The following SLC35F6 variants were observed in gnomAD, a reference collection of about 807,000 sequenced individuals.
SLC35F6 encodes solute carrier family 35 member F6.
Under a neutral mutation model 29.4 loss-of-function variants are expected in SLC35F6, and 26 were observed. The observed-to-expected ratio is 0.89, with a 90% CI of 0.65 to 1.23. The LOEUF (loss-of-function observed/expected upper bound fraction) is 1.23. Ranked by LOEUF, SLC35F6 falls within the 50% of genes most tolerant of loss-of-function variation. SLC35F6 has a pLI of 0.00. For missense variants in SLC35F6, 428 were observed against 487.8 expected, an observed-to-expected ratio of 0.88 and a Z score of 1.15; for synonymous variants, 174 against 206.6, an observed-to-expected ratio of 0.84 and a Z score of 1.35.
In SLC35F6 at chr2:26,764,434, T is replaced by TGGGCCCTGCCGGGCGTGC. The variant is rs780012887; in HGVS notation, c.77+17_77+34dup. On this transcript the variant is annotated intron_variant, in intron 1 of 5. Transcript: ENST00000344420. ...CAACACGCTCTCGGCAAAGTGAGTCTGGGCCCTGCCGGGCGTGCGGGCCCT... is the reference window on the plus strand; with the variant it reads ...CAACACGCTCTCGGCAAAGTGAGTCTGGGCCCTGCCGGGCGTGCGGGCCCTGCCGGGCGTGCGGGCCCT... 28 of 1,550,786 alleles carry TGGGCCCTGCCGGGCGTGC rather than the reference T, an allele frequency of 1.8e-5. No individual in the cohort carries two copies. The African/African-American group carries it at 2.2e-4, about 12-fold the overall frequency.
At chr2:26,769,600 A>G (rs1415688854) in intron 1 of SLC35F6, among the ~76,000 whole-genome samples, 1 of 152,218 alleles carries the variant, frequency 6.6e-6, no homozygotes, top group African/African-American at 2.4e-5. Context: ...TGTCTGTCAA[A>G]TAAGGAGTTC....
At chr2:26,766,276 T>C (rs1189826512) in intron 1 of SLC35F6, among the ~76,000 whole-genome samples, 2 of 152,200 alleles carry the variant, frequency 1.3e-5, no homozygotes, top group Non-Finnish European at 2.9e-5. Context: ...AGCAGCTGCA[T>C]GCACCCCGAT....
At chr2:26,771,880 G>C (rs1664202943) in intron 1 of SLC35F6, among the ~76,000 whole-genome samples, 1 of 151,950 alleles carries the variant, frequency 6.6e-6, no homozygotes, top group Non-Finnish European at 1.5e-5. Flanking sequence ...GGCTTCCCCA[G>C]CTCCCAGACT....
At chr2:26,777,707 C>A in intron 5 of SLC35F6, among the ~76,000 whole-genome samples, 1 of 151,714 alleles carries the variant, frequency 6.6e-6, no homozygotes, top group Admixed American at 6.6e-5. Flanking sequence ...TTTTAAATAT[C>A]AGAGCATTGT....
Position 26,778,614 on chromosome 2 carries a change from C to T in SLC35F6, c.*103C>T. 3.5e-6 allele frequency: 4 copies of T among 1,142,770 alleles called. No homozygotes were observed. In the South Asian group the frequency reaches 6.4e-5, roughly 18 times the overall value. The allele number at this position is 1,142,770 out of a possible 1,614,324, so 70.8% of individuals were successfully genotyped here. ...AATGCCCTATCCCCAAGGCCTCACCCTGTCCCCTCCCTGCAGAACCCCCAG... is the reference window on the plus strand; with the variant it reads ...AATGCCCTATCCCCAAGGCCTCACCTTGTCCCCTCCCTGCAGAACCCCCAG... On this transcript the variant is annotated 3_prime_UTR_variant, in exon 6 of 6. Coordinates refer to ENST00000344420, the MANE Select transcript of SLC35F6 (RefSeq NM_017877.4).
chr2:26,765,126 T>G, intron 1 of SLC35F6: 1 of 510,588 alleles, frequency 2.0e-6, no homozygotes, highest in Non-Finnish European at 2.5e-6. Context: ...GGCTGCTGCA[T>G]AGCAGATGAG....
At position 26,778,423 on chromosome 2, in the gene SLC35F6, G is replaced by A. The variant is rs762896868; in HGVS notation, c.1028G>A (p.Arg343His). 5.6e-6 allele frequency: 9 copies of A among 1,614,088 alleles called. No homozygotes were observed. The highest frequency in any genetic ancestry group is 2.2e-5 in the South Asian group (2 of 91,078). The change falls in exon 6 of 6, where the codon CGC becomes CAC. Residue 343 changes from arginine (R) to histidine (H), a missense_variant. Physicochemically the swap from Arg to His is conservative, Grantham distance 29 (BLOSUM62 0). Coordinates refer to ENST00000344420, the MANE Select transcript of SLC35F6 (RefSeq NM_017877.4). ...GGGCTACACCGTCCGCTGCTGGGCC[G>A]CCTGTCCAGGGGCCGGCCCCTGGCA... Reference protein sequence around the residue: ...YNGLHRPLLGRLSRGRPLAEE... With the variant: ...YNGLHRPLLGHLSRGRPLAEE...
chr2:26,774,951 T>C (rs1664270070), intron 2 of SLC35F6, 93 bp from the exon 3 acceptor site: 31 of 1,413,432 alleles, frequency 2.2e-5, no homozygotes, highest in Non-Finnish European at 2.7e-5. Context: ...GGGTAAGCTC[T>C]TGTTTGACAA....
chr2:26,775,459 C>T lies in SLC35F6; in HGVS notation c.323-5C>T. ...GCTAACTGTAATTTGTTTCTCCTTT[C>T]CTAGCTCTGAACATGACCAGTGCCT... On this transcript the variant is annotated splice_region_variant and splice_polypyrimidine_tract_variant and intron_variant, in intron 3 of 5. Transcript: ENST00000344420. The surrounding 1 kb of genome is among the most constrained non-coding windows in gnomAD (Gnocchi z 4.6). 1 of 1,611,506 alleles carries T rather than the reference C, an allele frequency of 6.2e-7. No homozygotes were observed. The highest frequency in any genetic ancestry group is 8.5e-7 in the Non-Finnish European group (1 of 1,179,114).
Position 26,764,317 on chromosome 2 carries a change from C to G in SLC35F6, c.-33C>G, listed in dbSNP as rs755931463. On this transcript the variant is annotated 5_prime_UTR_variant, in exon 1 of 6. Transcript: ENST00000344420. ...GACCCCGGGTGACGGGGCCCGGCGC[C>G]GCTAACTGGAGCGAACCCCAGCGTC... 3 of 1,547,992 alleles carry G rather than the reference C, an allele frequency of 1.9e-6. No individual in the cohort carries two copies. The South Asian group carries it at 3.6e-5, about 18-fold the overall frequency.
chr2:26,778,435 G>A lies in SLC35F6; in HGVS notation c.1040G>A (p.Gly347Asp). The A allele has an allele frequency of 1.2e-6, 2 of 1,614,024 alleles. No homozygotes were observed. The highest frequency in any genetic ancestry group is 8.5e-7 in the Non-Finnish European group (1 of 1,180,008). ...CCGCTGCTGGGCCGCCTGTCCAGGG[G>A]CCGGCCCCTGGCAGAGGAGAGCGAG... ...HRPLLGRLSRGRPLAEESEQE... is the reference protein window; with the variant it reads ...HRPLLGRLSRDRPLAEESEQE... Residue 347 changes from glycine (G) to aspartate (D), a missense_variant, in exon 6 of 6, where the codon GGC (glycine) becomes GAC (aspartate). Transcript: ENST00000344420.
chr2:26,765,440 GTC>G (rs1162835156), intron 1 of SLC35F6, among the ~76,000 whole-genome samples: 1 of 152,186 alleles, frequency 6.6e-6, no homozygotes, highest in Non-Finnish European at 1.5e-5. Flanking sequence ...GCATTTCTTT[GTC>G]TCTCTCTGTC....
In SLC35F6 at chr2:26,775,701, G is replaced by A; in HGVS notation, c.535+25G>A. The A allele has an allele frequency of 6.5e-7, 1 of 1,539,136 alleles. No individual in the cohort carries two copies. On this transcript the variant is annotated intron_variant, in intron 4 of 5. Transcript: ENST00000344420. This position sits in a 1 kb window ranked among gnomAD's most constrained non-coding sequence, Gnocchi z 4.6. ...GGTGCGGCCAGGGGCAGGGACACGG[G>A]GCTGCCCTATCCTGCCCTGTCCTCC...
intron 1 of SLC35F6, among the ~76,000 whole-genome samples, chr2:26,774,034 C>G (rs566304410): frequency 6.6e-6 from 1 of 152,332 alleles, no homozygotes; most frequent in Non-Finnish European, 1.5e-5. Flanking sequence ...ATGAGAGTAT[C>G]TGTGATTTCT....
Position 26,778,787 on chromosome 2 carries a change from A to C in SLC35F6, c.*276A>C. ...CCTCCTACAGCACTAGAGCTAAATC[A>C]TGAAGTTGAATTGTAGGAATTTACC... On this transcript the variant is annotated 3_prime_UTR_variant, in exon 6 of 6. Coordinates refer to ENST00000344420, the MANE Select transcript of SLC35F6 (RefSeq NM_017877.4). 4 of 431,162 alleles carry C rather than the reference A, an allele frequency of 9.3e-6. No individual in the cohort carries two copies. The highest frequency in any genetic ancestry group is 1.2e-5 in the Non-Finnish European group (3 of 243,520). 26.7% of individuals were successfully genotyped at this position (431,162 alleles called of 1,614,324 possible). A position where few individuals can be genotyped will look rare whatever the true frequency, so the allele number is the denominator to read the frequency against.
At chr2:26,767,582 ACCT>A (rs533078082) in intron 1 of SLC35F6, among the ~76,000 whole-genome samples, 76 of 151,640 alleles carry the variant, frequency 5.0e-4, no homozygotes, top group African/African-American at 1.8e-3. Flanking sequence ...TTTTCTCAAA[ACCT>A]CCTCACTAGC....
At position 26,778,442 on chromosome 2, in the gene SLC35F6, C is replaced by A. The variant is rs777242217; in HGVS notation, c.1047C>A (p.Pro349=). 21 of 1,613,888 alleles carry A rather than the reference C, an allele frequency of 1.3e-5. No homozygotes were observed. In the Admixed American group the frequency reaches 1.3e-4, roughly 10 times the overall value. ...PLLGRLSRGR[P]LAEESEQERL... is the part of the protein sequence containing the mutation. Reference sequence around the variant, plus strand: ...TGGGCCGCCTGTCCAGGGGCCGGCCCCTGGCAGAGGAGAGCGAGCAGGAGA... The same window carrying A: ...TGGGCCGCCTGTCCAGGGGCCGGCCACTGGCAGAGGAGAGCGAGCAGGAGA... Residue 349 remains proline (P), a synonymous_variant, in exon 6 of 6, where the codon CCC becomes CCA. Coordinates refer to ENST00000344420, the MANE Select transcript of SLC35F6 (RefSeq NM_017877.4).
Position 26,776,399 on chromosome 2 carries a change from T to A in SLC35F6, c.563T>A (p.Ile188Asn). ...GACCTGTTGATCATCATGGCCCAGA[T>A]CATCGTTGCCATCCAGATGGTGCTA... ...TGDLLIIMAQ[I>N]IVAIQMVLEE... Residue 188 changes from isoleucine (I) to asparagine (N), a missense_variant, in exon 5 of 6, where the codon ATC becomes AAC. By Grantham distance (149) the Ile-to-Asn change is moderately radical. Coordinates refer to ENST00000344420, the MANE Select transcript of SLC35F6 (RefSeq NM_017877.4). The A allele has an allele frequency of 6.2e-7, 1 of 1,614,212 alleles. No homozygotes were observed. The highest frequency in any genetic ancestry group is 8.5e-7 in the Non-Finnish European group (1 of 1,180,030).
chr2:26,777,371 T>C (rs147558135), intron 5 of SLC35F6, among the ~76,000 whole-genome samples: 158 of 152,322 alleles, frequency 1.0e-3, no homozygotes, highest in African/African-American at 3.5e-3. Flanking sequence ...ATCAAAATTA[T>C]GAGATTAGCA....
Sources: allele counts gnomAD v4.1 joint callset (sites outside exome capture counted in the v4.1 genomes callset), GRCh38; gene constraint gnomAD v4.1.1; non-coding constraint Gnocchi (gnomAD v3.1); transcripts MANE v1.5; gene names NCBI Gene and HGNC (gene_info 2026-07-23, HGNC 2026-07-21).